Variants in TMTC2 observed in about 807,000 individuals in gnomAD.
TMTC2 encodes protein O-mannosyl-transferase TMTC2.
In TMTC2, 43 loss-of-function variants were observed where a neutral mutation model predicts 82.4. The observed-to-expected ratio is 0.52, with a 90% confidence interval of 0.41 to 0.67. TMTC2 has a LOEUF of 0.67. Among genes scored for constraint, TMTC2 ranks in the 30% least tolerant of loss-of-function variants. The pLI, the probability that TMTC2 is intolerant of heterozygous loss-of-function variation, is 0.00. For synonymous variants in TMTC2, 408 were observed against 381.9 expected, an observed-to-expected ratio of 1.07 and a Z score of -0.80; for missense variants, 919 against 1,012.4, an observed-to-expected ratio of 0.91 and a Z score of 1.25.
chr12:83,059,301 C>T (rs1366190492), intron 10 of TMTC2, among the ~76,000 whole-genome samples: 2 of 151,706 alleles, frequency 1.3e-5, no homozygotes, highest in African/African-American at 2.4e-5. Flanking sequence ...TGTGCAGAGC[C>T]GTGTATGAAA....
chr12:83,065,598 C>T (rs933796405), intron 11 of TMTC2, among the ~76,000 whole-genome samples: 1 of 151,774 alleles, frequency 6.6e-6, no homozygotes, highest in East Asian at 1.9e-4. Flanking sequence ...AGGAAAACTC[C>T]TTACCGAAAT....
intron 11 of TMTC2, among the ~76,000 whole-genome samples, chr12:83,125,444 A>G (rs545440019): frequency 6.6e-6 from 1 of 152,340 alleles, no homozygotes; most frequent in South Asian, 2.1e-4. Context: ...TGTTAAGAAC[A>G]GGTGGGTCAC....
At chr12:82,702,173 A>G (rs183023235) in intron 1 of TMTC2, among the ~76,000 whole-genome samples, 109 of 152,342 alleles carry the variant, frequency 7.2e-4, no homozygotes, top group South Asian at 1.4e-3. Context: ...ATATTGCCAC[A>G]CTTACAGTGG....
At chr12:82,901,493 C>T (rs544798755) in intron 3 of TMTC2, among the ~76,000 whole-genome samples, 6 of 150,934 alleles carry the variant, frequency 4.0e-5, no homozygotes, top group African/African-American at 1.2e-4. Context: ...TTAGTAGAGA[C>T]GGGTTTCACT....
intron 1 of TMTC2, among the ~76,000 whole-genome samples, chr12:82,721,106 G>T (rs1287283793): frequency 2.0e-5 from 3 of 152,190 alleles, no homozygotes; most frequent in African/African-American, 7.2e-5. Flanking sequence ...GACAGGTTTT[G>T]TAAATGAAGT....
chr12:82,789,619 C>G (rs575202846), intron 1 of TMTC2, among the ~76,000 whole-genome samples: 1 of 152,254 alleles, frequency 6.6e-6, no homozygotes, highest in East Asian at 1.9e-4. Flanking sequence ...GATTCATGTT[C>G]ACCTCTGATG....
intron 11 of TMTC2, among the ~76,000 whole-genome samples, chr12:83,113,729 C>T (rs1369882975): frequency 6.6e-6 from 1 of 152,190 alleles, no homozygotes; most frequent in Non-Finnish European, 1.5e-5. Context: ...AGGCATGTAT[C>T]AACGAAGTCT....
At position 83,030,674 on chromosome 12, in the gene TMTC2, A is replaced by C. The variant is rs560316495; in HGVS notation, c.2071-124A>C. 15 of 692,102 alleles carry C rather than the reference A, an allele frequency of 2.2e-5. No individual in the cohort carries two copies. The Admixed American group carries it at 2.2e-4, about 10-fold the overall frequency. The allele number at this position is 692,102 out of a possible 1,614,324, so 42.9% of individuals were successfully genotyped here. ...ATCATCCTCACATAGATAAAAACAA[A>C]AATTTTTTTTTTCCTTTCCTATGAT... On this transcript the variant is annotated intron_variant, in intron 8 of 11. Transcript: ENST00000321196.
chr12:82,917,665 C>T (rs1875081911), intron 3 of TMTC2, among the ~76,000 whole-genome samples: 1 of 151,646 alleles, frequency 6.6e-6, no homozygotes, highest in Admixed American at 6.6e-5. Context: ...GCAGTGGTAC[C>T]ATTTCGTCTC....
In TMTC2 at chr12:83,132,344, G is replaced by A. The variant is rs200394922; in HGVS notation, c.2466G>A (p.Leu822=). The A allele has an allele frequency of 2.3e-5, 37 of 1,614,008 alleles. No individual in the cohort carries two copies. In the Admixed American group the frequency reaches 6.0e-4, roughly 26 times the overall value. Residue 822 remains leucine (L), a synonymous_variant, in exon 12 of 12, where the codon CTG becomes CTA. Transcript: ENST00000321196. The stretch of plus-strand genomic sequence containing the variant: ...TCACACAGTCCAATCTCCGCAAACT[G>A]TGGAACATCATGGAAAAACAAGGCT... ...DVITQSNLRK[L]WNIMEKQGLK... is the part of the protein sequence containing the mutation.
intron 1 of TMTC2, among the ~76,000 whole-genome samples, chr12:82,762,348 C>T (rs910665688): frequency 2.0e-5 from 3 of 152,128 alleles, no homozygotes; most frequent in Non-Finnish European, 4.4e-5. Context: ...TCACTCATCC[C>T]CTACCCCTCC....
intron 11 of TMTC2, among the ~76,000 whole-genome samples, chr12:83,083,370 C>T (rs1241187652): frequency 6.6e-6 from 1 of 152,170 alleles, no homozygotes; most frequent in Admixed American, 6.5e-5. Context: ...CTTGCTCGGG[C>T]AGTAACTTAA....
chr12:82,997,358 ATATATATGTG>A (rs1376987795), intron 8 of TMTC2, among the ~76,000 whole-genome samples: 5 of 35,104 alleles, frequency 1.4e-4, no homozygotes, highest in African/African-American at 4.0e-4. Context: ...GTATATATAT[ATATATATGTG>A]TATATATATA....
intron 4 of TMTC2, among the ~76,000 whole-genome samples, chr12:82,959,678 A>G (rs931232716): frequency 1.3e-5 from 2 of 151,800 alleles, no homozygotes; most frequent in Non-Finnish European, 3.0e-5. Flanking sequence ...TTAACTCAAG[A>G]TGGATTAAAG....
At chr12:83,100,922 T>G (rs919636259) in intron 11 of TMTC2, among the ~76,000 whole-genome samples, 5 of 152,212 alleles carry the variant, frequency 3.3e-5, no homozygotes, top group Non-Finnish European at 7.4e-5. Flanking sequence ...TAAATGCTTC[T>G]GATTAACACA....
chr12:82,851,052 A>G (rs930009687), intron 1 of TMTC2, among the ~76,000 whole-genome samples: 1 of 152,084 alleles, frequency 6.6e-6, no homozygotes, highest in African/African-American at 2.4e-5. Flanking sequence ...TGACAGAGCG[A>G]GACTCCATCT....
intron 1 of TMTC2, among the ~76,000 whole-genome samples, chr12:82,834,602 C>G (rs964545908): frequency 3.3e-5 from 5 of 152,092 alleles, no homozygotes; most frequent in Non-Finnish European, 7.4e-5. Context: ...CTCCTTTTTC[C>G]AAGTCACCGT....
At chr12:83,043,845 T>C (rs1277192543) in intron 9 of TMTC2, among the ~76,000 whole-genome samples, 1 of 152,242 alleles carries the variant, frequency 6.6e-6, no homozygotes, top group Non-Finnish European at 1.5e-5. Context: ...TTTCCTCTTC[T>C]GTTCACAGTC....
intron 8 of TMTC2, among the ~76,000 whole-genome samples, chr12:83,020,682 A>C (rs1321566797): frequency 6.6e-6 from 1 of 152,156 alleles, no homozygotes; most frequent in Non-Finnish European, 1.5e-5. Context: ...TAGCAACCTA[A>C]GTAATTTTCT....
Sources: gnomAD v4.1 joint callset for allele counts (sites outside exome capture counted in the v4.1 genomes callset) on GRCh38, gnomAD v4.1.1 for gene constraint, MANE v1.5 for transcripts, NCBI Gene and HGNC (gene_info 2026-07-23, HGNC 2026-07-21) for gene names.